The following SNTG1 variants were observed in gnomAD, a reference collection of about 807,000 sequenced individuals.
SNTG1 encodes syntrophin gamma 1.
Under a neutral mutation model 74.7 loss-of-function variants are expected in SNTG1, and 39 were observed. That is an observed-to-expected ratio of 0.52 (90% CI 0.40 to 0.68). The LOEUF (loss-of-function observed/expected upper bound fraction) is 0.68. SNTG1 is among the 30% of genes least tolerant of loss of function. The probability of loss-of-function intolerance (pLI) is 0.00; values close to 1 mark genes in which losing one functional copy is unlikely to be tolerated. For synonymous variants in SNTG1, 254 were observed against 217.1 expected, an observed-to-expected ratio of 1.17 and a Z score of -1.49; for missense variants, 685 against 609.5, an observed-to-expected ratio of 1.12 and a Z score of -1.30.
At position 50,275,874 on chromosome 8, in the gene SNTG1, A is replaced by G. The variant is rs149040849; in HGVS notation, c.-28+103239A>G. Reference sequence around the variant, plus strand: ...CCCCATGACCACCATTCTTACTTGGATCTAAGAAAAGATAACTTGTTTCTC... The same window carrying G: ...CCCCATGACCACCATTCTTACTTGGGTCTAAGAAAAGATAACTTGTTTCTC... On this transcript the variant is annotated intron_variant, in intron 2 of 18. Transcript: ENST00000642720. Among the ~76,000 whole-genome samples, 968 of 152,224 alleles carry G rather than the reference A, an allele frequency of 6.4e-3. 4 individuals carry two copies. Among genetic ancestry groups the G allele is most frequent in the Middle Eastern group, 0.01 (3 of 294 alleles).
chr8:50,394,204 C>A lies in SNTG1; in HGVS notation c.-27-8C>A, dbSNP rs1309788086. On this transcript the variant is annotated splice_polypyrimidine_tract_variant and splice_region_variant and intron_variant, in intron 2 of 18. Coordinates refer to ENST00000642720, the MANE Select transcript of SNTG1 (RefSeq NM_018967.5). Reference sequence around the variant, plus strand: ...GCCTAATGGCTTACCATTTCTGTGTCTTTTCAGACGACATCCTTTGTGGTG... The same window carrying A: ...GCCTAATGGCTTACCATTTCTGTGTATTTTCAGACGACATCCTTTGTGGTG... 2 of 1,612,002 alleles carry A rather than the reference C, an allele frequency of 1.2e-6. No individual in the cohort carries two copies. The highest frequency in any genetic ancestry group is 1.7e-5 in the Admixed American group (1 of 59,796).
chr8:50,692,462 TCCAGCAGACAGGAC>T (rs2095385393), intron 15 of SNTG1, among the ~76,000 whole-genome samples: 1 of 152,212 alleles, frequency 6.6e-6, no homozygotes, highest in Admixed American at 6.5e-5. Flanking sequence ...TAGTTTTCCT[TCCAGCAGACAGGAC>T]CCTTAGCTGC....
At chr8:50,782,061 T>C (rs866700390) in intron 18 of SNTG1, among the ~76,000 whole-genome samples, 1 of 152,172 alleles carries the variant, frequency 6.6e-6, no homozygotes, top group Non-Finnish European at 1.5e-5. Context: ...TTACAGTTTC[T>C]GCCGAGATAT....
intron 1 of SNTG1, among the ~76,000 whole-genome samples, chr8:50,116,264 C>A (rs1204945982): frequency 6.6e-6 from 1 of 152,124 alleles, no homozygotes; most frequent in Non-Finnish European, 1.5e-5. Context: ...TAACATTAAA[C>A]ACTTTCCAAA....
At chr8:50,329,068 G>A (rs866830185) in intron 2 of SNTG1, among the ~76,000 whole-genome samples, 1 of 152,138 alleles carries the variant, frequency 6.6e-6, no homozygotes, top group East Asian at 1.9e-4. Context: ...AAGTCTTAAA[G>A]CTCCAAAATA....
chr8:50,078,257 A>G (rs1202648158), intron 1 of SNTG1, among the ~76,000 whole-genome samples: 1 of 152,122 alleles, frequency 6.6e-6, no homozygotes, highest in Non-Finnish European at 1.5e-5. Flanking sequence ...TGGCAATTCT[A>G]GTTCCTTTGC....
At chr8:50,501,596 C>T (rs1015502593) in intron 8 of SNTG1, among the ~76,000 whole-genome samples, 7 of 144,792 alleles carry the variant, frequency 4.8e-5, no homozygotes, top group Non-Finnish European at 8.9e-5. Context: ...CCACGAAGAC[C>T]GGTTATTTTT....
At chr8:50,255,099 C>T (rs948658316) in intron 2 of SNTG1, among the ~76,000 whole-genome samples, 1 of 151,676 alleles carries the variant, frequency 6.6e-6, no homozygotes, top group African/African-American at 2.4e-5. Flanking sequence ...CCCTTTTGGT[C>T]CTTTTTAATT....
chr8:49,965,471 C>T (rs922516169), intron 1 of SNTG1, among the ~76,000 whole-genome samples: 3 of 152,136 alleles, frequency 2.0e-5, no homozygotes, highest in African/African-American at 7.2e-5. Context: ...GCTTACTCAC[C>T]TTAACAAACA....
At chr8:50,723,155 T>C (rs2095491850) in intron 17 of SNTG1, among the ~76,000 whole-genome samples, 1 of 152,136 alleles carries the variant, frequency 6.6e-6, no homozygotes, top group Non-Finnish European at 1.5e-5. Flanking sequence ...AAGCAGGAGC[T>C]TCACAGGTCC....
chr8:50,239,821 CA>C (rs1479942024), intron 2 of SNTG1, among the ~76,000 whole-genome samples: 1 of 152,154 alleles, frequency 6.6e-6, no homozygotes, highest in Non-Finnish European at 1.5e-5. Flanking sequence ...TTTCAGGGAT[CA>C]GGGGAGAGTT....
chr8:50,539,866 T>A (rs1240940289), intron 11 of SNTG1, among the ~76,000 whole-genome samples: 1 of 152,202 alleles, frequency 6.6e-6, no homozygotes, highest in Non-Finnish European at 1.5e-5. Flanking sequence ...CAAAAGTTTT[T>A]GTTTTGTTTT....
At chr8:50,060,418 T>G (rs1025290131) in intron 1 of SNTG1, among the ~76,000 whole-genome samples, 9 of 152,112 alleles carry the variant, frequency 5.9e-5, no homozygotes, top group Non-Finnish European at 1.0e-4. Context: ...TTGAGTCACA[T>G]CTAAGCTTTA....
chr8:49,967,633 C>T (rs1198570545), intron 1 of SNTG1, among the ~76,000 whole-genome samples: 1 of 152,148 alleles, frequency 6.6e-6, no homozygotes, highest in East Asian at 1.9e-4. Flanking sequence ...AGCCTTTTCT[C>T]AACCTGCCTT....
intron 18 of SNTG1, among the ~76,000 whole-genome samples, chr8:50,782,981 T>C (rs2131839518): frequency 6.6e-6 from 1 of 152,310 alleles, no homozygotes; most frequent in African/African-American, 2.4e-5. Flanking sequence ...CAGACCCTGT[T>C]TGCCTGGGTA....
rs1425051322 is a variant in SNTG1, at chr8:50,128,216, T to C, written c.-102-44345T>C. On this transcript the variant is annotated intron_variant, in intron 1 of 18. Transcript: ENST00000642720. ...GATCGGTACTTATGTTTTAATTCTATCTCCCTCCATTACTGATGGTGAACA... is the reference window on the plus strand; with the variant it reads ...GATCGGTACTTATGTTTTAATTCTACCTCCCTCCATTACTGATGGTGAACA... 2.6e-5 allele frequency among the ~76,000 whole-genome samples: 4 copies of C among 152,082 alleles called. No homozygotes were observed. The South Asian group carries it at 8.3e-4, about 31-fold the overall frequency.
At chr8:50,327,392 T>G (rs909882227) in intron 2 of SNTG1, among the ~76,000 whole-genome samples, 1 of 152,176 alleles carries the variant, frequency 6.6e-6, no homozygotes. Context: ...TTTAGAGAGC[T>G]AATCCCTTTA....
At chr8:50,753,206 C>T (rs554407276) in intron 18 of SNTG1, among the ~76,000 whole-genome samples, 28 of 152,032 alleles carry the variant, frequency 1.8e-4, no homozygotes, top group African/African-American at 6.7e-4. Flanking sequence ...TGCACCGGCC[C>T]TTTCTCTACC....
chr8:50,469,099 GT>G (rs2093631663), intron 8 of SNTG1, among the ~76,000 whole-genome samples: 1 of 152,116 alleles, frequency 6.6e-6, no homozygotes, highest in Admixed American at 6.6e-5. Context: ...CTTTGCTTGT[GT>G]GTATCTGAGC....
Sources: gnomAD v4.1 joint callset for allele counts (sites outside exome capture counted in the v4.1 genomes callset) on GRCh38, gnomAD v4.1.1 for gene constraint, MANE v1.5 for transcripts, NCBI Gene and HGNC (gene_info 2026-07-23, HGNC 2026-07-21) for gene names.